ANGPTL2: variants seen among roughly 807,000 people sequenced by gnomAD.
ANGPTL2 encodes angiopoietin-related protein 2.
A neutral mutation model predicts 52.8 loss-of-function variants in ANGPTL2; 25 were observed. The ratio of observed to expected loss-of-function variants is 0.47; its 90% CI spans 0.35 to 0.66. The LOEUF (loss-of-function observed/expected upper bound fraction) is 0.66, where lower values mean the gene tolerates loss of function less well. ANGPTL2 is among the 30% of genes least tolerant of loss of function. The pLI is 0.01. For synonymous variants in ANGPTL2, 276 were observed against 277.4 expected (o/e 1.00, Z 0.05); for missense variants, 546 against 656.9 (o/e 0.83, Z 1.84).
intron 1 of ANGPTL2, 116 bp from the exon 2 acceptor site, chr9:127,108,896 A>G: frequency 4.0e-6 from 3 of 744,706 alleles, no homozygotes; most frequent in East Asian, 2.7e-5. Context: ...ACTCTGCTTC[A>G]GGATGCTGGG....
Position 127,089,126 on chromosome 9 carries a change from T to C in ANGPTL2, c.1295A>G (p.His432Arg), listed in dbSNP as rs1564554004. The stretch of plus-strand genomic sequence containing the variant: ...ATACCACCAGCCTCCCTTCTGGTAG[T>C]GGGCACAGTTTCCTGCAAGAGAGAA... The part of the protein sequence containing the change: ...DHDVYTGNCA[H>R]YQKGGWWYNA... Residue 432 changes from histidine to arginine, a missense_variant, in exon 5 of 5, where the codon CAC (histidine) becomes CGC (arginine). His to Arg is a conservative substitution (Grantham distance 29). Transcript: ENST00000373425. 1 of 1,614,024 alleles carries C rather than the reference T, an allele frequency of 6.2e-7. No homozygotes were observed. Among genetic ancestry groups the C allele is most frequent in the Non-Finnish European group, 8.5e-7 (1 of 1,180,030 alleles).
intron 1 of ANGPTL2, among the ~76,000 whole-genome samples, chr9:127,121,053 CTGGCA>C (rs2056028656): frequency 6.6e-6 from 1 of 152,268 alleles, no homozygotes; most frequent in Admixed American, 6.5e-5. Context: ...AGTCCTGGTC[CTGGCA>C]CTTACTAGCC....
chr9:127,105,246 C>T (rs1197172389), intron 2 of ANGPTL2, among the ~76,000 whole-genome samples: 2 of 152,164 alleles, frequency 1.3e-5, no homozygotes, highest in Non-Finnish European at 2.9e-5. Flanking sequence ...TAATGCATTC[C>T]AGTTATCTCT....
chr9:127,108,072 G>A lies in ANGPTL2; in HGVS notation c.660C>T (p.Ala220=). Residue 220 remains alanine (A), a synonymous_variant, in exon 2 of 5, where the codon GCC becomes GCT. Coordinates refer to ENST00000373425, the MANE Select transcript of ANGPTL2 (RefSeq NM_012098.3). ...TGGGTGGTTGGTAGACCCGGGGCGG[G>A]GCAGCGGGGGGTGGCTGGGGGACGG... The part of the protein sequence containing the change: ...ARPVPQPPPA[A]PPRVYQPPTY... 6.2e-7 allele frequency: 1 copy of A among 1,611,636 alleles called. No individual in the cohort carries two copies. The highest frequency in any genetic ancestry group is 8.5e-7 in the Non-Finnish European group (1 of 1,178,786).
At chr9:127,106,995 T>C (rs2054280862) in intron 2 of ANGPTL2, 2 of 152,212 alleles carry the variant, frequency 1.3e-5, no homozygotes, top group African/African-American at 4.8e-5. Flanking sequence ...CTGGGAAGGC[T>C]CAGGTGTTCT....
intron 1 of ANGPTL2, among the ~76,000 whole-genome samples, chr9:127,114,461 A>G (rs947512901): frequency 1.3e-4 from 20 of 152,222 alleles, no homozygotes; most frequent in African/African-American, 4.8e-4. Context: ...TGGAAACCCA[A>G]AAGAGGTTGT....
rs34467855 is a variant in ANGPTL2 at position 127,109,630 on chromosome 9, A to G, written c.-49-850T>C. ...GTGTCTCCAGATTTGCTTCACTTCT[A>G]TTCTTGGACCATTCATCCTTTCACC... On this transcript the variant is annotated intron_variant, in intron 1 of 4. Transcript: ENST00000373425. Among the ~76,000 whole-genome samples, 739 of 152,388 alleles carry G rather than the reference A, an allele frequency of 4.8e-3. 2 individuals are homozygous for G. Among genetic ancestry groups the G allele is most frequent in the Non-Finnish European group, 7.6e-3 (520 of 68,050 alleles).
intron 1 of ANGPTL2, among the ~76,000 whole-genome samples, chr9:127,113,864 T>C (rs1174490310): frequency 2.6e-5 from 4 of 152,180 alleles, no homozygotes; most frequent in African/African-American, 9.6e-5. Context: ...ACATCATGTG[T>C]CCGCATCCCT....
chr9:127,121,320 A>T (rs1380407306), intron 1 of ANGPTL2, among the ~76,000 whole-genome samples: 1 of 152,250 alleles, frequency 6.6e-6, no homozygotes, highest in Non-Finnish European at 1.5e-5. Flanking sequence ...GCTAGTAGGT[A>T]GAAGAGCTGG....
chr9:127,102,645 AC>A (rs889765481), intron 2 of ANGPTL2, among the ~76,000 whole-genome samples: 1 of 152,122 alleles, frequency 6.6e-6, no homozygotes, highest in African/African-American at 2.4e-5. Flanking sequence ...GCTTTCCATC[AC>A]CCTCAAAAGG....
intron 2 of ANGPTL2, among the ~76,000 whole-genome samples, chr9:127,097,766 G>C (rs764851364): frequency 2.6e-5 from 4 of 152,230 alleles, no homozygotes; most frequent in East Asian, 3.8e-4. Flanking sequence ...GTCTGGCCTC[G>C]ATGGAGGAAG....
chr9:127,100,432 T>C (rs545600358), intron 2 of ANGPTL2, among the ~76,000 whole-genome samples: 44 of 152,288 alleles, frequency 2.9e-4, no homozygotes, highest in Admixed American at 5.9e-4. Flanking sequence ...TCCAAAGCAT[T>C]GCGTCGCTCT....
chr9:127,092,900 A>G (rs943354665), intron 3 of ANGPTL2, among the ~76,000 whole-genome samples: 1 of 152,184 alleles, frequency 6.6e-6, no homozygotes, highest in African/African-American at 2.4e-5. Context: ...TGTGCAAGGC[A>G]TCATGGCTTC....
At chr9:127,092,257 C>T (rs939907444) in intron 3 of ANGPTL2, among the ~76,000 whole-genome samples, 1 of 152,200 alleles carries the variant, frequency 6.6e-6, no homozygotes, top group African/African-American at 2.4e-5. Flanking sequence ...GGGCCTGGCA[C>T]TAAGTAGGCA....
At chr9:127,111,134 T>C (rs1018868526) in intron 1 of ANGPTL2, among the ~76,000 whole-genome samples, 3 of 152,132 alleles carry the variant, frequency 2.0e-5, no homozygotes, top group Admixed American at 6.5e-5. Context: ...GGTTGACCTT[T>C]TGGTTGTCTG....
At chr9:127,097,060 C>T (rs985821748) in intron 2 of ANGPTL2, among the ~76,000 whole-genome samples, 3 of 152,230 alleles carry the variant, frequency 2.0e-5, no homozygotes, top group Non-Finnish European at 4.4e-5. Flanking sequence ...GGGATCCATG[C>T]TGACTTAGCT....
intron 1 of ANGPTL2, among the ~76,000 whole-genome samples, chr9:127,117,628 C>T (rs917919824): frequency 7.9e-5 from 12 of 152,212 alleles, no homozygotes; most frequent in African/African-American, 2.9e-4. Flanking sequence ...GGCTGGACAA[C>T]AGAGAGAGGA....
In ANGPTL2 at chr9:127,091,561, G is replaced by A; in HGVS notation, c.1282+109C>T. ...CAGGGTCAGGCAGCTTGGCCCAGCT[G>A]CTTCTCACCCTGGGATCTTCCCGTT... On this transcript the variant is annotated intron_variant, in intron 4 of 4. Coordinates refer to ENST00000373425, the MANE Select transcript of ANGPTL2 (RefSeq NM_012098.3). The surrounding 1 kb of genome is among the most constrained non-coding windows in gnomAD (Gnocchi z 4.3). 2 of 1,452,012 alleles carry A rather than the reference G, an allele frequency of 1.4e-6. No homozygotes were observed. Among genetic ancestry groups the A allele is most frequent in the Non-Finnish European group, 1.9e-6 (2 of 1,079,132 alleles). 89.9% of individuals were successfully genotyped at this position (1,452,012 alleles called of 1,614,324 possible). A position where few individuals can be genotyped will look rare whatever the true frequency, so the allele number is the denominator to read the frequency against.
At position 127,091,527 on chromosome 9, in the gene ANGPTL2, G is replaced by A; in HGVS notation, c.1282+143C>T. 2 of 1,126,136 alleles carry A rather than the reference G, an allele frequency of 1.8e-6. No individual in the cohort carries two copies. The highest frequency in any genetic ancestry group is 4.6e-5 in the Admixed American group (2 of 43,828). 69.8% of individuals were successfully genotyped at this position (1,126,136 alleles called of 1,614,324 possible). On this transcript the variant is annotated intron_variant, in intron 4 of 4. Coordinates refer to ENST00000373425, the MANE Select transcript of ANGPTL2 (RefSeq NM_012098.3). This position sits in a 1 kb window ranked among gnomAD's most constrained non-coding sequence, Gnocchi z 4.3. ...GTGGGCAGGAGAAGGGACCCTCAGG[G>A]GGTGGTAACAGGGTCAGGCAGCTTG...
Sources: allele counts gnomAD v4.1 joint callset (sites outside exome capture counted in the v4.1 genomes callset), GRCh38; gene constraint gnomAD v4.1.1; non-coding constraint Gnocchi (gnomAD v3.1); transcripts MANE v1.5; gene names NCBI Gene and HGNC (gene_info 2026-07-23, HGNC 2026-07-21).